Variants in ROBO2 observed in about 807,000 individuals in gnomAD.
The protein encoded by ROBO2 is roundabout guidance receptor 2, also known as roundabout homolog 2.
A neutral mutation model predicts 160.8 loss-of-function variants in ROBO2; 53 were observed. That is an observed-to-expected ratio of 0.33 (90% CI 0.26 to 0.41). ROBO2 has a LOEUF of 0.41. ROBO2 is among the 10% of genes least tolerant of loss of function. The pLI is 1.00. For synonymous variants in ROBO2, 664 were observed against 611.7 expected, an observed-to-expected ratio of 1.09 and a Z score of -1.26; for missense variants, 1,577 against 1,722.4, an observed-to-expected ratio of 0.92 and a Z score of 1.49.
chr3:76,648,162 A>G (rs976184114), intron 2 of ROBO2, among the ~76,000 whole-genome samples: 18 of 152,302 alleles, frequency 1.2e-4, no homozygotes, highest in Admixed American at 2.0e-4. Flanking sequence ...ATCTATTAAA[A>G]TAAATGACCC....
chr3:76,536,902 A>G (rs2082537476), intron 2 of ROBO2, among the ~76,000 whole-genome samples: 1 of 152,114 alleles, frequency 6.6e-6, no homozygotes, highest in African/African-American at 2.4e-5. Context: ...AATCCTTACT[A>G]TGCCCTCAGC....
chr3:77,120,827 A>G (rs763715071), intron 2 of ROBO2, among the ~76,000 whole-genome samples: 24 of 152,178 alleles, frequency 1.6e-4, no homozygotes, highest in Non-Finnish European at 2.9e-4. Context: ...GGTATTTTGA[A>G]ATTGATTTAC....
At chr3:77,270,957 A>C (rs1468579380) in intron 2 of ROBO2, among the ~76,000 whole-genome samples, 1 of 152,240 alleles carries the variant, frequency 6.6e-6, no homozygotes, top group South Asian at 2.1e-4. Context: ...AAAAAAAAAA[A>C]AAACGGTTTC....
chr3:76,254,271 C>T (rs1706218447), intron 2 of ROBO2, among the ~76,000 whole-genome samples: 1 of 152,020 alleles, frequency 6.6e-6, no homozygotes, highest in African/African-American at 2.4e-5. Context: ...ATAAACTTTG[C>T]AGTTGAGTGA....
At chr3:76,078,582 C>T (rs1044160176) in intron 2 of ROBO2, among the ~76,000 whole-genome samples, 8 of 152,062 alleles carry the variant, frequency 5.3e-5, no homozygotes, top group Admixed American at 1.3e-4. Flanking sequence ...CCAGGCTGGT[C>T]TCAAACTCCT....
At chr3:76,324,541 T>C (rs2072848952) in intron 2 of ROBO2, among the ~76,000 whole-genome samples, 1 of 152,226 alleles carries the variant, frequency 6.6e-6, no homozygotes, top group East Asian at 1.9e-4. Context: ...TTAAATTACC[T>C]GATAGCATGT....
chr3:75,931,544 GT>G (rs1224258605), intron 1 of ROBO2, among the ~76,000 whole-genome samples: 1 of 151,998 alleles, frequency 6.6e-6, no homozygotes, highest in Non-Finnish European at 1.5e-5. Context: ...TAGAGATGGG[GT>G]TTTGCCATGT....
intron 2 of ROBO2, among the ~76,000 whole-genome samples, chr3:76,047,567 C>T (rs184161053): frequency 9.9e-5 from 15 of 152,270 alleles, no homozygotes; most frequent in African/African-American, 3.6e-4. Flanking sequence ...CTTTGTCATG[C>T]AACACAATCC....
chr3:77,162,153 C>T (rs1362845539), intron 2 of ROBO2, among the ~76,000 whole-genome samples: 1 of 151,670 alleles, frequency 6.6e-6, no homozygotes, highest in African/African-American at 2.4e-5. Context: ...AAAAATAGGG[C>T]ATATGGCAGA....
chr3:76,214,585 C>A (rs553731607), intron 2 of ROBO2, among the ~76,000 whole-genome samples: 1 of 152,176 alleles, frequency 6.6e-6, no homozygotes, highest in Admixed American at 6.5e-5. Context: ...AGTCTGAGAT[C>A]GAACTGCAAG....
intron 2 of ROBO2, among the ~76,000 whole-genome samples, chr3:76,998,817 T>C (rs1159965882): frequency 1.3e-5 from 2 of 152,142 alleles, no homozygotes; most frequent in East Asian, 3.9e-4. Flanking sequence ...TCACACACAC[T>C]GCAGACAGGC....
intron 2 of ROBO2, among the ~76,000 whole-genome samples, chr3:77,302,476 C>T (rs935895661): frequency 6.6e-6 from 1 of 152,028 alleles, no homozygotes; most frequent in African/African-American, 2.4e-5. Context: ...AATTATGGGC[C>T]ATACTAGCTC....
At chr3:76,958,160 T>C (rs1039183862) in intron 2 of ROBO2, among the ~76,000 whole-genome samples, 1 of 152,228 alleles carries the variant, frequency 6.6e-6, no homozygotes, top group Non-Finnish European at 1.5e-5. Context: ...CCTCGTTTCA[T>C]TGCTGCGACC....
intron 1 of ROBO2, among the ~76,000 whole-genome samples, chr3:77,079,764 C>A (rs913905928): frequency 2.0e-5 from 3 of 152,178 alleles, no homozygotes; most frequent in Non-Finnish European, 4.4e-5. Flanking sequence ...AATTATGGAT[C>A]ACAGTGGAAC....
chr3:77,331,706 T>C (rs1469783992), intron 2 of ROBO2, among the ~76,000 whole-genome samples: 1 of 151,630 alleles, frequency 6.6e-6, no homozygotes, highest in African/African-American at 2.4e-5. Context: ...TATTTATTTA[T>C]TTATTTATAT....
chr3:76,513,136 G>T (rs1424164996), intron 2 of ROBO2, among the ~76,000 whole-genome samples: 3 of 152,124 alleles, frequency 2.0e-5, no homozygotes, highest in African/African-American at 7.2e-5. Context: ...ACAGTAGCAA[G>T]GGGTAAATCA....
intron 2 of ROBO2, among the ~76,000 whole-genome samples, chr3:76,130,250 G>A (rs17013856): frequency 0.055 from 8,363 of 152,058 alleles, 476 homozygotes; most frequent in East Asian, 0.15. Flanking sequence ...AAGAGAGCAA[G>A]ACTTGCATTT....
At chr3:76,179,685 T>C (rs1701406589) in intron 2 of ROBO2, among the ~76,000 whole-genome samples, 1 of 152,092 alleles carries the variant, frequency 6.6e-6, no homozygotes, top group Non-Finnish European at 1.5e-5. Context: ...ACAGTCTTAT[T>C]TTCTTCTTTG....
chr3:77,169,921 T>C (rs2150732111), intron 2 of ROBO2, among the ~76,000 whole-genome samples: 1 of 152,232 alleles, frequency 6.6e-6, no homozygotes, highest in African/African-American at 2.4e-5. Flanking sequence ...TGGGATGGCA[T>C]CTGACAGTGA....
Sources: allele counts gnomAD v4.1 joint callset (sites outside exome capture counted in the v4.1 genomes callset), GRCh38; gene constraint gnomAD v4.1.1; transcripts MANE v1.5; gene names NCBI Gene and HGNC (gene_info 2026-07-23, HGNC 2026-07-21).